Variants in ACSS2 observed in about 807,000 individuals in gnomAD.
ACSS2 encodes acetyl-coenzyme A synthetase, cytoplasmic.
A neutral mutation model predicts 90.6 loss-of-function variants in ACSS2; 58 were observed. The ratio of observed to expected loss-of-function variants is 0.64; its 90% CI spans 0.52 to 0.80. The LOEUF (loss-of-function observed/expected upper bound fraction) is 0.80, where lower values mean the gene tolerates loss of function less well. ACSS2 is among the 30% of genes least tolerant of loss of function. The pLI, the probability that ACSS2 is intolerant of heterozygous loss-of-function variation, is 0.00. For synonymous variants in ACSS2, 300 were observed against 330.9 expected (o/e 0.91, Z 1.01); for missense variants, 759 against 912.0 (o/e 0.83, Z 2.16).
At chr20:34,916,725 C>T (rs1880765751) in intron 7 of ACSS2, among the ~76,000 whole-genome samples, 1 of 152,072 alleles carries the variant, frequency 6.6e-6, no homozygotes, top group African/African-American at 2.4e-5. Context: ...TTCAAAAGAG[C>T]TGCAAAAATC....
intron 2 of ACSS2, among the ~76,000 whole-genome samples, chr20:34,883,626 T>C (rs977760117): frequency 6.6e-6 from 1 of 152,200 alleles, no homozygotes; most frequent in Non-Finnish European, 1.5e-5. Context: ...GTTTGTAAAA[T>C]AGGAATTCTT....
chr20:34,876,759 C>T lies in ACSS2; in HGVS notation c.114C>T (p.Ser38=). Residue 38 remains serine (S), a synonymous_variant, in exon 1 of 18, where the codon TCC becomes TCT. Coordinates refer to ENST00000360596, the MANE Select transcript of ACSS2 (RefSeq NM_018677.4). ...SWSPPPEVSR[S]AHVPSLQRYR... ...CTCCGCCGCCCGAGGTCAGCCGCTC[C>T]GCGCACGTCCCCTCGCTGCAGCGCT... 7.0e-7 allele frequency: 1 copy of T among 1,427,020 alleles called. No homozygotes were observed. The highest frequency in any genetic ancestry group is 9.3e-7 in the Non-Finnish European group (1 of 1,080,952). The allele number at this position is 1,427,020 out of a possible 1,614,324, so 88.4% of individuals were successfully genotyped here.
rs60867847 is a variant in ACSS2 at position 34,920,592 on chromosome 20, G to C, written c.1026G>C (p.Lys342Asn). 1 of 1,614,226 alleles carries C rather than the reference G, an allele frequency of 6.2e-7. No individual in the cohort carries two copies. The highest frequency in any genetic ancestry group is 2.2e-5 in the East Asian group (1 of 44,886). ...TGCTCTATGTAGCCACAACCTTCAA[G>C]TATGTGTTTGACTTCCATGCAGAGG... is the stretch of plus-strand genomic sequence containing the variant. The part of the protein sequence containing the change: ...GYMLYVATTF[K>N]YVFDFHAEDV... The change falls in exon 9 of 18, where the codon AAG becomes AAC. Residue 342 changes from lysine (K) to asparagine (N), a missense_variant. Physicochemically the swap from Lys to Asn is moderately conservative, Grantham distance 94. Transcript: ENST00000360596.
intron 2 of ACSS2, among the ~76,000 whole-genome samples, chr20:34,899,320 G>A (rs762087699): frequency 2.0e-5 from 3 of 152,256 alleles, no homozygotes; most frequent in Non-Finnish European, 2.9e-5. Flanking sequence ...AGGAGGCGCC[G>A]AGAGCGAGCA....
At chr20:34,899,054 C>T (rs2080553300) in intron 2 of ACSS2, among the ~76,000 whole-genome samples, 1 of 152,250 alleles carries the variant, frequency 6.6e-6, no homozygotes, top group African/African-American at 2.4e-5. Context: ...GGGTGCTAAG[C>T]CCCTCATTGC....
At chr20:34,905,618 G>T (rs1368825051) in intron 2 of ACSS2, among the ~76,000 whole-genome samples, 1 of 152,132 alleles carries the variant, frequency 6.6e-6, no homozygotes, top group African/African-American at 2.4e-5. Flanking sequence ...CGAAAAAATT[G>T]ACAACATTGA....
chr20:34,897,201 AT>A (rs1372394643), intron 2 of ACSS2, among the ~76,000 whole-genome samples: 2 of 152,184 alleles, frequency 1.3e-5, no homozygotes, highest in East Asian at 1.9e-4. Context: ...TTGCAATTAT[AT>A]TTTTTATTGA....
chr20:34,885,244 G>GA (rs968019482), intron 2 of ACSS2, among the ~76,000 whole-genome samples: 4 of 151,656 alleles, frequency 2.6e-5, no homozygotes, highest in African/African-American at 7.3e-5. Flanking sequence ...ATAAAAAGAG[G>GA]AAAAAAAAGA....
Position 34,882,942 on chromosome 20 carries a change from T to A in ACSS2, c.327T>A (p.Asp109Glu). The change falls in exon 2 of 18, where the codon GAT (aspartate) becomes GAA (glutamate). Residue 109 changes from aspartate (D) to glutamate (E), a missense_variant. Coordinates refer to ENST00000360596, the MANE Select transcript of ACSS2 (RefSeq NM_018677.4). ...CCAACATCTGCTACAATGTACTGGATCGAAATGTCCATGAGAAAAAGCTTG... is the reference window on the plus strand; with the variant it reads ...CCAACATCTGCTACAATGTACTGGAACGAAATGTCCATGAGAAAAAGCTTG... ...ATTNICYNVL[D>E]RNVHEKKLGD... The A allele has an allele frequency of 6.2e-7, 1 of 1,611,550 alleles. No individual in the cohort carries two copies. The highest frequency in any genetic ancestry group is 8.5e-7 in the Non-Finnish European group (1 of 1,179,372).
chr20:34,876,841 C>T lies in ACSS2; in HGVS notation c.178+18C>T, dbSNP rs1425114208. On this transcript the variant is annotated intron_variant, in intron 1 of 17. Transcript: ENST00000360596. ...GCCGCGGGGTGAGGCCCGGCCCGGG[C>T]GGGCCTGGGGTGTCAGTGAGGAGAA... The T allele has an allele frequency of 3.1e-6, 4 of 1,281,442 alleles. No homozygotes were observed. Among genetic ancestry groups the T allele is most frequent in the Non-Finnish European group, 3.9e-6 (4 of 1,012,968 alleles). The allele number at this position is 1,281,442 out of a possible 1,614,324, so 79.4% of individuals were successfully genotyped here.
In ACSS2 at chr20:34,921,771, C is replaced by G; in HGVS notation, c.1468-15C>G. 2 of 1,612,986 alleles carry G rather than the reference C, an allele frequency of 1.2e-6. No homozygotes were observed. Among genetic ancestry groups the G allele is most frequent in the South Asian group, 1.1e-5 (1 of 90,938 alleles). On this transcript the variant is annotated splice_polypyrimidine_tract_variant and intron_variant, in intron 12 of 17. Coordinates refer to ENST00000360596, the MANE Select transcript of ACSS2 (RefSeq NM_018677.4). Reference sequence around the variant, plus strand: ...TCATTCCTCTTCTTGGGTTCTGTCTCCCGTTTGCTTCTAGACTTTCCCATT... The same window carrying G: ...TCATTCCTCTTCTTGGGTTCTGTCTGCCGTTTGCTTCTAGACTTTCCCATT...
At chr20:34,920,095 C>T (rs1043610655) in intron 8 of ACSS2, among the ~76,000 whole-genome samples, 6 of 152,208 alleles carry the variant, frequency 3.9e-5, no homozygotes, top group African/African-American at 7.2e-5. Context: ...GAATATCCCT[C>T]AATAAGTCTT....
chr20:34,886,562 T>TG (rs1257489174), intron 2 of ACSS2, among the ~76,000 whole-genome samples: 1 of 152,154 alleles, frequency 6.6e-6, no homozygotes, highest in Non-Finnish European at 1.5e-5. Context: ...AGGCAGAGGT[T>TG]GCAGTGAGCC....
intron 13 of ACSS2, 144 bp from the exon 14 acceptor site, chr20:34,923,179 G>C (rs2081239229): frequency 1.6e-6 from 1 of 630,808 alleles, no homozygotes; most frequent in Admixed American, 2.5e-5. Context: ...GTAAGTGGTA[G>C]AGCTGGGATT....
chr20:34,915,216 A>G, intron 7 of ACSS2: 1 of 1,613,912 alleles, frequency 6.2e-7, no homozygotes, highest in Non-Finnish European at 8.5e-7. Flanking sequence ...GGCTCTTAAC[A>G]GGGTAAACTG....
At chr20:34,920,473 A>G (rs961237202) in intron 8 of ACSS2, 66 bp from the exon 9 acceptor site, 1 of 1,526,278 alleles carries the variant, frequency 6.6e-7, no homozygotes, top group African/African-American at 1.4e-5. Context: ...AGCTCTGCCC[A>G]GCCTCCATTT....
intron 2 of ACSS2, among the ~76,000 whole-genome samples, chr20:34,899,932 A>T (rs923156738): frequency 2.0e-5 from 3 of 152,132 alleles, no homozygotes; most frequent in African/African-American, 7.2e-5. Context: ...TATAGCTAGG[A>T]GTTTAATTGC....
chr20:34,919,331 A>T (rs976581188), intron 7 of ACSS2, 104 bp from the exon 8 acceptor site: 2 of 1,538,482 alleles, frequency 1.3e-6, no homozygotes, highest in African/African-American at 2.7e-5. Flanking sequence ...CCCTTCCTGT[A>T]CTCCTACCTG....
rs1352542401 is a variant in ACSS2 at position 34,913,112 on chromosome 20, G to A, written c.391G>A (p.Gly131Arg). 1 of 1,613,944 alleles carries A rather than the reference G, an allele frequency of 6.2e-7. No homozygotes were observed. The highest frequency in any genetic ancestry group is 8.5e-7 in the Non-Finnish European group (1 of 1,179,988). The change falls in exon 3 of 18, where the codon GGG becomes AGG. Residue 131 changes from glycine to arginine, a missense_variant. Gly to Arg is a moderately radical substitution (Grantham distance 125). Transcript: ENST00000360596. ...ATGTCTCAGGGAGGGCAATGAGCCA[G>A]GGGAGACCACTCAGATCACATACCA... The part of the protein sequence containing the change: ...VAFYWEGNEP[G>R]ETTQITYHQL...
Sources: gnomAD v4.1 joint callset for allele counts (sites outside exome capture counted in the v4.1 genomes callset) on GRCh38, gnomAD v4.1.1 for gene constraint, MANE v1.5 for transcripts, NCBI Gene and HGNC (gene_info 2026-07-23, HGNC 2026-07-21) for gene names.